Variants in NLRP13 observed in about 807,000 individuals in gnomAD.
The protein encoded by NLRP13 is NLR family pyrin domain containing 13.
Under a neutral mutation model 94.4 loss-of-function variants are expected in NLRP13, and 82 were observed. The ratio of observed to expected loss-of-function variants is 0.87; its 90% CI spans 0.73 to 1.04. The LOEUF (loss-of-function observed/expected upper bound fraction) is 1.04. Ranked by LOEUF, NLRP13 falls within the 50% of genes least tolerant of loss-of-function variation. NLRP13 has a pLI of 0.00. For synonymous variants in NLRP13, 553 were observed against 464.7 expected, an observed-to-expected ratio of 1.19 and a Z score of -2.45; for missense variants, 1,426 against 1,230.8, an observed-to-expected ratio of 1.16 and a Z score of -2.37.
intron 1 of NLRP13, among the ~76,000 whole-genome samples, chr19:55,928,258 A>T (rs1234063775): frequency 6.6e-6 from 1 of 152,240 alleles, no homozygotes; most frequent in African/African-American, 2.4e-5. Context: ...CCGCCATTCG[A>T]AATCAGCAAC....
At chr19:55,909,323 A>G (rs1163392402) in intron 6 of NLRP13, among the ~76,000 whole-genome samples, 2 of 152,170 alleles carry the variant, frequency 1.3e-5, no homozygotes, top group Non-Finnish European at 2.9e-5. Flanking sequence ...TTTAGTCCAC[A>G]GCTGTGCTCC....
In NLRP13 at chr19:55,923,975, A is replaced by G. The variant is rs1986906577; in HGVS notation, c.462T>C (p.Asn154=). The change falls in exon 4 of 11, where the codon AAT becomes AAC. Residue 154 remains asparagine (N), a synonymous_variant. Transcript: ENST00000342929. The part of the protein sequence containing the change: ...ELDELEEETG[N]VQAQGCQDPN... ...GATCTTGGCATCCCTGGGCCTGTAC[A>G]TTCCCTGAAATAAACAGTGATGATG... 5.6e-6 allele frequency: 9 copies of G among 1,613,224 alleles called. No homozygotes were observed. Among genetic ancestry groups the G allele is most frequent in the Non-Finnish European group, 7.6e-6 (9 of 1,179,298 alleles).
chr19:55,917,473 G>T (rs114639541), intron 4 of NLRP13, among the ~76,000 whole-genome samples: 2 of 151,856 alleles, frequency 1.3e-5, no homozygotes, highest in Non-Finnish European at 2.9e-5. Flanking sequence ...CTTCTTAAAA[G>T]ATATAAATTG....
chr19:55,931,644 G>A (rs419938), intron 1 of NLRP13, among the ~76,000 whole-genome samples: 39,935 of 143,836 alleles, frequency 0.28, 6,073 homozygotes, highest in Admixed American at 0.37. Flanking sequence ...GGGAGGCAGA[G>A]GTTACAGTGA....
At chr19:55,906,846 G>A (rs988669090) in intron 7 of NLRP13, among the ~76,000 whole-genome samples, 1 of 152,142 alleles carries the variant, frequency 6.6e-6, no homozygotes. Flanking sequence ...GCTACTCAAA[G>A]CATGGTCCAT....
intron 4 of NLRP13, among the ~76,000 whole-genome samples, chr19:55,917,761 C>A (rs568565680): frequency 6.6e-6 from 1 of 150,866 alleles, no homozygotes; most frequent in Non-Finnish European, 1.5e-5. Context: ...ACCAGAGTAC[C>A]TAGATTCATA....
intron 1 of NLRP13, among the ~76,000 whole-genome samples, chr19:55,926,229 T>G (rs972416442): frequency 1.3e-5 from 2 of 152,216 alleles, no homozygotes; most frequent in Non-Finnish European, 2.9e-5. Context: ...TCTTCATAGA[T>G]TAAATTTAAG....
At chr19:55,898,138 A>G (rs1383471103) in intron 10 of NLRP13, among the ~76,000 whole-genome samples, 1 of 152,116 alleles carries the variant, frequency 6.6e-6, no homozygotes, top group East Asian at 1.9e-4. Flanking sequence ...GGTGGTAACA[A>G]GAGTAAAACA....
At chr19:55,931,779 G>C (rs148554434) in intron 1 of NLRP13, among the ~76,000 whole-genome samples, 1 of 139,426 alleles carries the variant, frequency 7.2e-6, no homozygotes, top group Non-Finnish European at 1.6e-5. Context: ...TGCCTCTTCC[G>C]ATTCCCTTTC....
rs781045771 is a variant in NLRP13, at chr19:55,912,677, A to G, written c.1140T>C (p.Phe380=). The change falls in exon 5 of 11, where the codon TTT becomes TTC. Residue 380 remains phenylalanine, a synonymous_variant. Coordinates refer to ENST00000342929, the MANE Select transcript of NLRP13 (RefSeq NM_176810.2). ...DLKASLVNPC[F]VQITGFTGDD... ...CCCCTGTGAACCCTGTAATTTGTAC[A>G]AAGCATGGATTCACTAATGAGGCCT... 1 of 1,614,218 alleles carries G rather than the reference A, an allele frequency of 6.2e-7. No homozygotes were observed. Among genetic ancestry groups the G allele is most frequent in the Non-Finnish European group, 8.5e-7 (1 of 1,180,042 alleles).
intron 1 of NLRP13, among the ~76,000 whole-genome samples, chr19:55,927,203 T>C (rs1456570849): frequency 6.6e-6 from 1 of 151,732 alleles, no homozygotes; most frequent in Non-Finnish European, 1.5e-5. Context: ...ACCCCATCTC[T>C]AATAACAACA....
chr19:55,931,926 C>T, intron 1 of NLRP13, 67 bp downstream of exon 1: 1 of 1,455,694 alleles, frequency 6.9e-7, no homozygotes, highest in Admixed American at 1.9e-5. Context: ...CACAAAAACC[C>T]AGCGGCTACC....
In NLRP13 at chr19:55,912,303, A is replaced by G; in HGVS notation, c.1514T>C (p.Ile505Thr). The change falls in exon 5 of 11, where the codon ATC (isoleucine) becomes ACC (threonine). Residue 505 changes from isoleucine to threonine, a missense_variant. Coordinates refer to ENST00000342929, the MANE Select transcript of NLRP13 (RefSeq NM_176810.2). ...NFTFNKEDTE[I>T]EGLEVPFIDS... ...AATGAAAGGCACTTCCAGGCCCTCG[A>G]TCTCAGTGTCTTCTTTGTTAAACGT... 6.2e-7 allele frequency: 1 copy of G among 1,614,088 alleles called. No homozygotes were observed. Among genetic ancestry groups the G allele is most frequent in the Non-Finnish European group, 8.5e-7 (1 of 1,180,022 alleles).
At chr19:55,910,804 G>A (rs78083177) in intron 5 of NLRP13, 71 bp from the exon 6 acceptor site, 14,310 of 1,250,048 alleles carry the variant, frequency 0.011, 125 homozygotes, top group Non-Finnish European at 0.014. Context: ...TACAACCTAC[G>A]GGACACAGAA....
At chr19:55,929,748 A>G (rs183396296) in intron 1 of NLRP13, among the ~76,000 whole-genome samples, 16 of 152,294 alleles carry the variant, frequency 1.1e-4, no homozygotes, top group Admixed American at 9.8e-4. Context: ...CGTTGTGCAC[A>G]TGTACCCTAA....
chr19:55,930,901 A>ATATATATATTT (rs1338071833), intron 1 of NLRP13, among the ~76,000 whole-genome samples: 173 of 98,290 alleles, frequency 1.8e-3, no homozygotes, highest in Non-Finnish European at 2.8e-3. Context: ...TATATATAAA[A>ATATATATATTT]TTTTAACCAG....
chr19:55,921,507 G>T (rs1008184927), intron 4 of NLRP13, among the ~76,000 whole-genome samples: 1 of 152,078 alleles, frequency 6.6e-6, no homozygotes, highest in Non-Finnish European at 1.5e-5. Context: ...TCAAAGTATT[G>T]CTTAATGTTT....
At position 55,907,442 on chromosome 19, in the gene NLRP13, C is replaced by T. The variant is rs940753485; in HGVS notation, c.2447+350G>A. 4.6e-5 allele frequency among the ~76,000 whole-genome samples: 7 copies of T among 152,256 alleles called. No individual in the cohort carries two copies. In the South Asian group the frequency reaches 1.5e-3, roughly 32 times the overall value. ...CAAAAATTCACTGGGTGTGGTGGCA[C>T]ACACCTGTGGGTACCAGCCACTCGG... On this transcript the variant is annotated intron_variant, in intron 7 of 10. Transcript: ENST00000342929.
downstream of NLRP13, among the ~76,000 whole-genome samples, chr19:55,894,605 A>C (rs117261063): frequency 0.039 from 5,882 of 152,238 alleles, 189 homozygotes; most frequent in Middle Eastern, 0.068. Flanking sequence ...GCCCCTTGCT[A>C]TTCTGGTCAC....
Sources: gnomAD v4.1 joint callset for allele counts (sites outside exome capture counted in the v4.1 genomes callset) on GRCh38, gnomAD v4.1.1 for gene constraint, MANE v1.5 for transcripts, NCBI Gene and HGNC (gene_info 2026-07-23, HGNC 2026-07-21) for gene names.